BACH1: variants seen among roughly 807,000 people sequenced by gnomAD.
BACH1 encodes transcription regulator protein BACH1.
Under a neutral mutation model 52.9 loss-of-function variants are expected in BACH1, and 35 were observed. The ratio of observed to expected loss-of-function variants is 0.66; its 90% CI spans 0.51 to 0.88. BACH1 has a LOEUF of 0.88. Ranked by LOEUF, BACH1 falls within the 40% of genes least tolerant of loss-of-function variation. The pLI is 0.00. For synonymous variants in BACH1, 321 were observed against 319.6 expected, an observed-to-expected ratio of 1.00 and a Z score of -0.05; for missense variants, 808 against 872.6, an observed-to-expected ratio of 0.93 and a Z score of 0.93.
At chr21:29,306,159 G>A (rs1237145317) in intron 1 of BACH1, among the ~76,000 whole-genome samples, 2 of 144,276 alleles carry the variant, frequency 1.4e-5, no homozygotes, top group South Asian at 2.2e-4. Context: ...GGAGAAGTTG[G>A]GTCAGGAAGA....
At chr21:29,352,719 T>G (rs1465973733) in intron 2 of BACH1, 1 of 149,508 alleles carries the variant, frequency 6.7e-6, no homozygotes, top group East Asian at 1.9e-4. Context: ...TTGTTTTTGT[T>G]TTTTTTTTTT....
chr21:29,325,960 A>G (rs2088905471), intron 2 of BACH1, 99 bp from the exon 3 acceptor site: 3 of 1,172,858 alleles, frequency 2.6e-6, no homozygotes, highest in Admixed American at 3.0e-5. Context: ...ATTATCACAA[A>G]TAAGTTACAT....
intron 2 of BACH1, chr21:29,351,592 C>G (rs749811778): frequency 1.9e-6 from 1 of 534,516 alleles, no homozygotes; most frequent in Non-Finnish European, 3.8e-6. Context: ...AAGACCTCAT[C>G]TATTATGCTC....
At chr21:29,325,146 C>T (rs1024527027) in intron 2 of BACH1, among the ~76,000 whole-genome samples, 3 of 152,000 alleles carry the variant, frequency 2.0e-5, no homozygotes, top group African/African-American at 4.8e-5. Context: ...AGGAGAATGG[C>T]GTGAACCCGA....
chr21:29,322,107 A>G (rs2088855864), intron 2 of BACH1, among the ~76,000 whole-genome samples: 1 of 152,170 alleles, frequency 6.6e-6, no homozygotes, highest in South Asian at 2.1e-4. Context: ...AGACTTATTC[A>G]CTATCACCAG....
chr21:29,304,553 TAAA>T (rs1244946994), intron 1 of BACH1, among the ~76,000 whole-genome samples: 1 of 152,218 alleles, frequency 6.6e-6, no homozygotes, highest in African/African-American at 2.4e-5. Context: ...GGAATTACAC[TAAA>T]AAAGGTTTTC....
chr21:29,304,765 G>A (rs979177966), intron 1 of BACH1, among the ~76,000 whole-genome samples: 1 of 152,148 alleles, frequency 6.6e-6, no homozygotes, highest in Non-Finnish European at 1.5e-5. Context: ...TCCTATTGAA[G>A]AAATAGGGCG....
chr21:29,324,149 G>C (rs1057455148), intron 2 of BACH1, among the ~76,000 whole-genome samples: 1 of 149,686 alleles, frequency 6.7e-6, no homozygotes. Context: ...CTACTCGGGA[G>C]ACTGAGGCAG....
intron 1 of BACH1, among the ~76,000 whole-genome samples, chr21:29,306,568 G>C (rs912344911): frequency 6.6e-6 from 1 of 152,068 alleles, no homozygotes; most frequent in African/African-American, 2.4e-5. Flanking sequence ...TTGTGGCTGG[G>C]GTCTACTTCC....
At chr21:29,324,784 T>C (rs1209753380) in intron 2 of BACH1, among the ~76,000 whole-genome samples, 2 of 152,188 alleles carry the variant, frequency 1.3e-5, no homozygotes, top group African/African-American at 4.8e-5. Flanking sequence ...TATAAGAAAG[T>C]TTTTTTCAAA....
At chr21:29,338,923 AT>A (rs1601366038) in intron 4 of BACH1, among the ~76,000 whole-genome samples, 2 of 151,948 alleles carry the variant, frequency 1.3e-5, no homozygotes, top group Admixed American at 1.3e-4. Context: ...TTTTATATAC[AT>A]TTTTCTGTAC....
At position 29,345,885 on chromosome 21, in the gene BACH1, T is replaced by C. The variant is rs1356876916; in HGVS notation, c.*3052T>C. On this transcript the variant is annotated 3_prime_UTR_variant, in exon 5 of 5. Coordinates refer to ENST00000286800, the MANE Select transcript of BACH1 (RefSeq NM_001186.4). ...AAATTAAAGCCATAATGGTAGAAGATGGCATACTGATTATAAAAGAAGCAG... is the reference window on the plus strand; with the variant it reads ...AAATTAAAGCCATAATGGTAGAAGACGGCATACTGATTATAAAAGAAGCAG... 6.6e-6 allele frequency: 1 copy of C among 152,652 alleles called. No homozygotes were observed. The highest frequency in any genetic ancestry group is 2.4e-5 in the African/African-American group (1 of 41,478). The allele number at this position is 152,652 out of a possible 1,614,324, so 9.5% of individuals were successfully genotyped here.
In BACH1 at chr21:29,321,222, TTGA is replaced by T; in HGVS notation, c.-54_-52del. ...GAAATCTTGCATGTGTGTTTGCAGG[TTGA>T]TGATAATTAGAAGCATGCTTTCCAC... is the stretch of plus-strand genomic sequence containing the variant. On this transcript the variant is annotated splice_region_variant and 5_prime_UTR_variant, in exon 2 of 5. An upstream start codon of the reference 5' UTR is lost. Coordinates refer to ENST00000286800, the MANE Select transcript of BACH1 (RefSeq NM_001186.4). The T allele has an allele frequency of 7.2e-7, 1 of 1,390,636 alleles. No homozygotes were observed. Among genetic ancestry groups the T allele is most frequent in the Non-Finnish European group, 1.0e-6 (1 of 981,012 alleles). The allele number at this position is 1,390,636 out of a possible 1,614,324, so 86.1% of individuals were successfully genotyped here.
intron 2 of BACH1, 92 bp downstream of exon 2, chr21:29,321,606 C>T: frequency 8.7e-7 from 1 of 1,151,680 alleles, no homozygotes; most frequent in Non-Finnish European, 1.2e-6. Flanking sequence ...GTCTCCTTGT[C>T]AGGTGGCTAT....
Position 29,342,959 on chromosome 21 carries a change from G to A in BACH1, c.*126G>A. ...TTTCCTTTAGTAGTTTACCATAAGGGAATTTCCTTTAAGTCAACCATGATT... is the reference window on the plus strand; with the variant it reads ...TTTCCTTTAGTAGTTTACCATAAGGAAATTTCCTTTAAGTCAACCATGATT... On this transcript the variant is annotated 3_prime_UTR_variant, in exon 5 of 5. Transcript: ENST00000286800. The A allele has an allele frequency of 1.1e-6, 1 of 923,154 alleles. No individual in the cohort carries two copies. Among genetic ancestry groups the A allele is most frequent in the Non-Finnish European group, 1.5e-6 (1 of 654,488 alleles). 57.2% of individuals were successfully genotyped at this position (923,154 alleles called of 1,614,324 possible).
At chr21:29,316,936 T>C (rs1415409461) in intron 1 of BACH1, among the ~76,000 whole-genome samples, 1 of 152,194 alleles carries the variant, frequency 6.6e-6, no homozygotes. Context: ...GTTCCACATA[T>C]GTTGGAATAG....
chr21:29,312,937 A>G (rs913455870), intron 1 of BACH1, among the ~76,000 whole-genome samples: 1 of 152,212 alleles, frequency 6.6e-6, no homozygotes, highest in East Asian at 1.9e-4. Flanking sequence ...ACATTTCACA[A>G]AAGAAGGTAT....
intron 2 of BACH1, among the ~76,000 whole-genome samples, chr21:29,356,992 C>T (rs2089238661): frequency 6.6e-6 from 1 of 152,186 alleles, no homozygotes; most frequent in Non-Finnish European, 1.5e-5. Flanking sequence ...ACTGCCACCT[C>T]CTTGGGTTTT....
At chr21:29,328,158 T>G (rs997677437) in intron 3 of BACH1, among the ~76,000 whole-genome samples, 5 of 152,230 alleles carry the variant, frequency 3.3e-5, no homozygotes, top group Non-Finnish European at 5.9e-5. Flanking sequence ...TGGAGTAAAG[T>G]TTATTGGATC....
Sources: gnomAD v4.1 joint callset for allele counts (sites outside exome capture counted in the v4.1 genomes callset) on GRCh38, gnomAD v4.1.1 for gene constraint, MANE v1.5 for transcripts, NCBI Gene and HGNC (gene_info 2026-07-23, HGNC 2026-07-21) for gene names.